The following TFCP2 variants were observed in gnomAD, a reference collection of about 807,000 sequenced individuals.
TFCP2 encodes the protein alpha-globin transcription factor CP2.
In TFCP2, 33 loss-of-function variants were observed where a neutral mutation model predicts 73.4. That is an observed-to-expected ratio of 0.45 (90% CI 0.34 to 0.60). The LOEUF is 0.60. Among genes scored for constraint, TFCP2 ranks in the 20% least tolerant of loss-of-function variants. The pLI is 0.01. For missense variants in TFCP2, 352 were observed against 604.0 expected (o/e 0.58, Z 4.37); for synonymous variants, 193 against 211.6 (o/e 0.91, Z 0.76).
intron 13 of TFCP2, among the ~76,000 whole-genome samples, chr12:51,098,312 C>T (rs1940016892): frequency 6.6e-6 from 1 of 152,040 alleles, no homozygotes; most frequent in South Asian, 2.1e-4. Context: ...TAAAAATGTG[C>T]ATGGGAATAT....
intron 1 of TFCP2, among the ~76,000 whole-genome samples, chr12:51,143,381 T>C (rs1237831734): frequency 1.3e-5 from 2 of 149,440 alleles, no homozygotes; most frequent in African/African-American, 4.9e-5. Context: ...ATTGAAGGCA[T>C]CCTAGATTGA....
At position 51,098,836 on chromosome 12, in the gene TFCP2, G is replaced by C; in HGVS notation, c.1359C>G (p.Cys453Trp). 6.2e-7 allele frequency: 1 copy of C among 1,614,098 alleles called. No individual in the cohort carries two copies. The highest frequency in any genetic ancestry group is 8.5e-7 in the Non-Finnish European group (1 of 1,180,016). The change falls in exon 13 of 15, where the codon TGC becomes TGG. Residue 453 changes from cysteine to tryptophan, a missense_variant. Cys to Trp is a radical substitution (Grantham distance 215). Around this residue, in one of 6 missense-constraint regions of TFCP2, gnomAD observed 194 missense variants for 256.3 expected, o/e 0.76. Transcript: ENST00000257915. Reference protein sequence around the residue: ...KIAQLFSISPCQISQIYKQGP... With the variant: ...KIAQLFSISPWQISQIYKQGP... The stretch of plus-strand genomic sequence containing the variant: ...CCTGCTTGTAAATCTGGCTGATCTG[G>C]CAAGGGGAAATGCTGAAAAGCTGAG...
chr12:51,144,789 C>T (rs1011336606), intron 1 of TFCP2, among the ~76,000 whole-genome samples: 2 of 152,214 alleles, frequency 1.3e-5, no homozygotes, highest in African/African-American at 2.4e-5. Flanking sequence ...ACACTGGACA[C>T]GGTGACTCAT....
intron 1 of TFCP2, chr12:51,157,019 T>C (rs142067288): frequency 0.11 from 515 of 4,596 alleles, 7 homozygotes; most frequent in East Asian, 0.17. Context: ...CTTTTTTTTC[T>C]TTTTTTTTTT....
Position 51,154,090 on chromosome 12 carries a change from T to C in TFCP2, c.122+18211A>G, listed in dbSNP as rs1429767503. Among the ~76,000 whole-genome samples the C allele has an allele frequency of 5.3e-5, 8 of 152,232 alleles. No individual in the cohort carries two copies. The South Asian group carries it at 1.7e-3, about 31-fold the overall frequency. ...TCCTAAAGGCTGAATAATATTCCAT[T>C]GTATGTACTTACAACATTTTGCTTA... On this transcript the variant is annotated intron_variant, in intron 1 of 14. Coordinates refer to ENST00000257915, the MANE Select transcript of TFCP2 (RefSeq NM_005653.5).
intron 12 of TFCP2, among the ~76,000 whole-genome samples, chr12:51,099,181 A>C (rs1489088050): frequency 6.6e-6 from 1 of 152,154 alleles, no homozygotes; most frequent in South Asian, 2.1e-4. Flanking sequence ...TAAAGCATAT[A>C]AAAAGTGTTA....
chr12:51,108,619 C>T (rs1940317804), intron 6 of TFCP2, among the ~76,000 whole-genome samples: 1 of 151,838 alleles, frequency 6.6e-6, no homozygotes. Context: ...ATAAAAAATA[C>T]AAAAATTAGC....
intron 1 of TFCP2, among the ~76,000 whole-genome samples, chr12:51,122,923 C>T (rs977319585): frequency 4.6e-5 from 7 of 152,220 alleles, no homozygotes; most frequent in Admixed American, 2.0e-4. Context: ...AAATACATCA[C>T]ATCTGATGAT....
At chr12:51,152,212 C>T (rs978620618) in intron 1 of TFCP2, among the ~76,000 whole-genome samples, 1 of 152,184 alleles carries the variant, frequency 6.6e-6, no homozygotes, top group Non-Finnish European at 1.5e-5. Context: ...AACTCAGCAT[C>T]ACTTCTTAGG....
intron 1 of TFCP2, among the ~76,000 whole-genome samples, chr12:51,151,837 A>C (rs1194721333): frequency 1.3e-5 from 2 of 152,214 alleles, no homozygotes; most frequent in East Asian, 3.8e-4. Flanking sequence ...GTGATAGAAG[A>C]TTACATTGTA....
At chr12:51,166,158 T>C (rs998912666) in intron 1 of TFCP2, among the ~76,000 whole-genome samples, 1 of 150,988 alleles carries the variant, frequency 6.6e-6, no homozygotes, top group Non-Finnish European at 1.5e-5. Flanking sequence ...CTACTAAAAA[T>C]ACAAAAATTA....
rs932878404 is a variant in TFCP2 at position 51,118,469 on chromosome 12, G to A, written c.274+152C>T. 5.7e-5 allele frequency: 47 copies of A among 826,916 alleles called. No individual in the cohort carries two copies. The South Asian group carries it at 7.2e-4, about 13-fold the overall frequency. 51.2% of individuals were successfully genotyped at this position (826,916 alleles called of 1,614,324 possible). A position where few individuals can be genotyped will look rare whatever the true frequency, so the allele number is the denominator to read the frequency against. On this transcript the variant is annotated intron_variant, in intron 2 of 14. Coordinates refer to ENST00000257915, the MANE Select transcript of TFCP2 (RefSeq NM_005653.5). ...ACTCAGGAGGCTGAGGCAGGAGAAT[G>A]GTGTGAACCCGGGAGGCAGAGCTTG...
intron 1 of TFCP2, chr12:51,157,024 T>G (rs1941550962): frequency 6.6e-6 from 1 of 151,626 alleles, no homozygotes; most frequent in Admixed American, 6.6e-5. Context: ...TTTTCTTTTT[T>G]TTTTTTTTGA....
At chr12:51,134,321 A>G (rs762130578) in intron 1 of TFCP2, among the ~76,000 whole-genome samples, 4 of 152,042 alleles carry the variant, frequency 2.6e-5, no homozygotes, top group African/African-American at 9.7e-5. Flanking sequence ...GTCTGGCTCT[A>G]TTGCCCAGGC....
chr12:51,097,048 C>T lies in TFCP2; in HGVS notation c.1420-1008G>A, dbSNP rs150031090. Among the ~76,000 whole-genome samples the T allele has an allele frequency of 6.8e-3, 1,037 of 151,892 alleles. 3 individuals are homozygous for T. The highest frequency in any genetic ancestry group is 0.014 in the South Asian group (68 of 4,812). ...CCCCCATCTCGGCTCACGCAACCTC[C>T]GCCTCCTGGGTTCAAGGGATTCTCC... is the stretch of plus-strand genomic sequence containing the variant. On this transcript the variant is annotated intron_variant, in intron 13 of 14. Coordinates refer to ENST00000257915, the MANE Select transcript of TFCP2 (RefSeq NM_005653.5).
intron 1 of TFCP2, among the ~76,000 whole-genome samples, chr12:51,151,309 T>C (rs1592831623): frequency 6.6e-6 from 1 of 152,182 alleles, no homozygotes; most frequent in Admixed American, 6.5e-5. Context: ...AGGAGAAAAG[T>C]AGCATGATCT....
chr12:51,102,084 T>C lies in TFCP2; in HGVS notation c.1061-59A>G, dbSNP rs1010404934. On this transcript the variant is annotated intron_variant, in intron 10 of 14. Coordinates refer to ENST00000257915, the MANE Select transcript of TFCP2 (RefSeq NM_005653.5). ...CAAAGATTCTCTTTGTTAATGACTATTAAAATGGGCTGTATTATAAGGACA... is the reference window on the plus strand; with the variant it reads ...CAAAGATTCTCTTTGTTAATGACTACTAAAATGGGCTGTATTATAAGGACA... The C allele has an allele frequency of 5.1e-5, 61 of 1,197,216 alleles. 1 individual carries two copies. In the Middle Eastern group the frequency reaches 7.0e-4, roughly 14 times the overall value. The allele number at this position is 1,197,216 out of a possible 1,614,324, so 74.2% of individuals were successfully genotyped here. A position where few individuals can be genotyped will look rare whatever the true frequency, so the allele number is the denominator to read the frequency against.
intron 1 of TFCP2, among the ~76,000 whole-genome samples, chr12:51,137,490 C>T (rs983332910): frequency 6.6e-6 from 1 of 152,132 alleles, no homozygotes; most frequent in African/African-American, 2.4e-5. Flanking sequence ...AGCCCTACCT[C>T]AGGAGATTTA....
chr12:51,141,538 A>G (rs913831495), intron 1 of TFCP2, among the ~76,000 whole-genome samples: 29 of 152,098 alleles, frequency 1.9e-4, no homozygotes, highest in African/African-American at 6.8e-4. Context: ...AGACCTGGCC[A>G]TCCTAGGTAC....
Sources: allele counts gnomAD v4.1 joint callset (sites outside exome capture counted in the v4.1 genomes callset), GRCh38; gene constraint gnomAD v4.1.1; regional missense constraint gnomAD v4.1.1; transcripts MANE v1.5; gene names NCBI Gene and HGNC (gene_info 2026-07-23, HGNC 2026-07-21).